VWA5B1: variants seen among roughly 807,000 people sequenced by gnomAD.
The protein encoded by VWA5B1 is von Willebrand factor A domain containing 5B1.
Under a neutral mutation model 118.2 loss-of-function variants are expected in VWA5B1, and 115 were observed. That is an observed-to-expected ratio of 0.97 (90% CI 0.84 to 1.14). The LOEUF (loss-of-function observed/expected upper bound fraction) is 1.14, where lower values mean the gene tolerates loss of function less well. Ranked by LOEUF, VWA5B1 falls within the 50% of genes most tolerant of loss-of-function variation. The pLI, the probability that VWA5B1 is intolerant of heterozygous loss-of-function variation, is 0.00. For synonymous variants in VWA5B1, 682 were observed against 658.4 expected, an observed-to-expected ratio of 1.04 and a Z score of -0.55; for missense variants, 1,596 against 1,603.8, an observed-to-expected ratio of 1.00 and a Z score of 0.08.
In VWA5B1 at chr1:20,350,239, G is replaced by C. The variant is rs1557451318; in HGVS notation, c.2953+9G>C. Reference sequence around the variant, plus strand: ...GCACGGTGCTTCTGAAGGTGAGTGGGCAGGTGGCGCTGCCTCTTCATCAAG... The same window carrying C: ...GCACGGTGCTTCTGAAGGTGAGTGGCCAGGTGGCGCTGCCTCTTCATCAAG... On this transcript the variant is annotated intron_variant, in intron 19 of 21. Coordinates refer to ENST00000289815, the MANE Select transcript of VWA5B1 (RefSeq NM_001039500.3). The C allele has an allele frequency of 6.4e-7, 1 of 1,550,842 alleles. No individual in the cohort carries two copies. The highest frequency in any genetic ancestry group is 1.2e-5 in the South Asian group (1 of 84,062).
rs1557829236 is a variant in VWA5B1, at chr1:20,303,622, G to A, written c.-26-6954G>A. On this transcript the variant is annotated intron_variant, in intron 1 of 21. Coordinates refer to ENST00000289815, the MANE Select transcript of VWA5B1 (RefSeq NM_001039500.3). Reference sequence around the variant, plus strand: ...AGTGACTGGGCCAATTACTATGGAAGTGGCCATCCCAGGGACACTAACCTC... The same window carrying A: ...AGTGACTGGGCCAATTACTATGGAAATGGCCATCCCAGGGACACTAACCTC... 2.0e-5 allele frequency among the ~76,000 whole-genome samples: 3 copies of A among 152,306 alleles called. No individual in the cohort carries two copies. The East Asian group carries it at 5.8e-4, about 29-fold the overall frequency.
chr1:20,299,256 C>A (rs1178211770), intron 1 of VWA5B1, among the ~76,000 whole-genome samples: 1 of 152,142 alleles, frequency 6.6e-6, no homozygotes, highest in African/African-American at 2.4e-5. Context: ...TCCCTCTTAA[C>A]CTTCAGCTGG....
chr1:20,353,071 C>A (rs2090161124), intron 21 of VWA5B1, among the ~76,000 whole-genome samples: 1 of 152,150 alleles, frequency 6.6e-6, no homozygotes, highest in Non-Finnish European at 1.5e-5. Context: ...CAGACCCAAG[C>A]ATGACTTCTT....
rs942309618 is a variant in VWA5B1 at position 20,343,210 on chromosome 1, A to C, written c.2443A>C (p.Lys815Gln). The C allele has an allele frequency of 3.9e-6, 6 of 1,549,412 alleles. No homozygotes were observed. In the Admixed American group the frequency reaches 7.8e-5, roughly 20 times the overall value. Residue 815 changes from lysine (K) to glutamine (Q), a missense_variant, in exon 16 of 22, where the codon AAA becomes CAA. Coordinates refer to ENST00000289815, the MANE Select transcript of VWA5B1 (RefSeq NM_001039500.3). Reference protein sequence around the residue: ...PAPVLGKALVKGLHDSQRLQW... With the variant: ...PAPVLGKALVQGLHDSQRLQW... ...CCCGGTGCTGGGCAAGGCCCTGGTCAAAGGCCTGCACGACAGCCAACGCCT... is the reference window on the plus strand; with the variant it reads ...CCCGGTGCTGGGCAAGGCCCTGGTCCAAGGCCTGCACGACAGCCAACGCCT...
intron 14 of VWA5B1, chr1:20,339,323 C>T (rs1570191995): frequency 6.6e-6 from 1 of 152,182 alleles, no homozygotes; most frequent in African/African-American, 2.4e-5. Context: ...AGGCAGATCG[C>T]GTGAGCCCAG....
In VWA5B1 at chr1:20,345,613, G is replaced by T. The variant is rs868341067; in HGVS notation, c.2764+20G>T. On this transcript the variant is annotated intron_variant, in intron 17 of 21. Coordinates refer to ENST00000289815, the MANE Select transcript of VWA5B1 (RefSeq NM_001039500.3). The stretch of plus-strand genomic sequence containing the variant: ...ACTCTGGTAAGGCAGGCGAGCGGCC[G>T]GGGGCACTCCTGGGGGCCAAGCAGC... 7 of 1,526,530 alleles carry T rather than the reference G, an allele frequency of 4.6e-6. No individual in the cohort carries two copies. Among genetic ancestry groups the T allele is most frequent in the Non-Finnish European group, 6.2e-6 (7 of 1,134,288 alleles). The allele number at this position is 1,526,530 out of a possible 1,614,324, so 94.6% of individuals were successfully genotyped here.
intron 1 of VWA5B1, among the ~76,000 whole-genome samples, chr1:20,295,655 G>A (rs2088392856): frequency 6.6e-6 from 1 of 152,170 alleles, no homozygotes; most frequent in Non-Finnish European, 1.5e-5. Context: ...TTCCCTGGGT[G>A]CCACTGTGGA....
In VWA5B1 at chr1:20,354,910, C is replaced by T. The variant is rs1267540026; in HGVS notation, c.*647C>T. ...CCTTTTGTTTTGGCTAGGAAGCTTC[C>T]TTAATACATACTAGTATTGCCTTGC... On this transcript the variant is annotated 3_prime_UTR_variant, in exon 22 of 22. Transcript: ENST00000289815. 2 of 152,404 alleles carry T rather than the reference C, an allele frequency of 1.3e-5. No homozygotes were observed. Among genetic ancestry groups the T allele is most frequent in the Non-Finnish European group, 2.9e-5 (2 of 68,264 alleles). The allele number at this position is 152,404 out of a possible 1,614,324, so 9.4% of individuals were successfully genotyped here.
Position 20,342,438 on chromosome 1 carries a change from C to T in VWA5B1, c.2140C>T (p.Leu714=). The T allele has an allele frequency of 6.4e-7, 1 of 1,550,926 alleles. No homozygotes were observed. The highest frequency in any genetic ancestry group is 2.4e-5 in the East Asian group (1 of 40,838). ...TCTCCTCTTCCATCCCTAGCCCTTG[C>T]TGAACAGTGGTCAGGACCTGAACCA... ...QRWQIDLQPL[L]NSGQDLNQGP... is the part of the protein sequence containing the mutation. The change falls in exon 15 of 22, where the codon CTG becomes TTG. Residue 714 remains leucine (L), a synonymous_variant. Coordinates refer to ENST00000289815, the MANE Select transcript of VWA5B1 (RefSeq NM_001039500.3).
At chr1:20,293,506 G>A (rs1040317721) in intron 1 of VWA5B1, among the ~76,000 whole-genome samples, 1 of 152,160 alleles carries the variant, frequency 6.6e-6, no homozygotes, top group South Asian at 2.1e-4. Flanking sequence ...TCAGTACCCC[G>A]ATGGTTCCCT....
intron 1 of VWA5B1, among the ~76,000 whole-genome samples, chr1:20,292,577 G>C (rs1054094389): frequency 1.1e-4 from 16 of 152,234 alleles, no homozygotes; most frequent in African/African-American, 3.9e-4. Context: ...GTGTTTGTGG[G>C]TGCATGTGGG....
chr1:20,336,706 A>T (rs2089727860), intron 13 of VWA5B1, among the ~76,000 whole-genome samples: 1 of 152,014 alleles, frequency 6.6e-6, no homozygotes, highest in South Asian at 2.1e-4. Flanking sequence ...GATCTATCTG[A>T]CTCCAAAGCC....
chr1:20,316,545 G>A (rs549638180), intron 4 of VWA5B1, among the ~76,000 whole-genome samples: 2 of 152,184 alleles, frequency 1.3e-5, no homozygotes, highest in Non-Finnish European at 2.9e-5. Flanking sequence ...ATTTTACAAG[G>A]ATGTGTGCAT....
At chr1:20,342,661 G>T in intron 15 of VWA5B1, 52 bp downstream of exon 15, 1 of 1,439,048 alleles carries the variant, frequency 6.9e-7, no homozygotes, top group East Asian at 2.6e-5. Flanking sequence ...GGAATCACTG[G>T]CTGTTGTTCA....
intron 1 of VWA5B1, among the ~76,000 whole-genome samples, chr1:20,294,848 C>A (rs934703558): frequency 6.6e-6 from 1 of 152,228 alleles, no homozygotes; most frequent in East Asian, 1.9e-4. Context: ...CTCAGCCTCC[C>A]AAAATGCTGG....
chr1:20,332,666 C>A, intron 11 of VWA5B1, 100 bp from the exon 12 acceptor site: 1 of 1,331,636 alleles, frequency 7.5e-7, no homozygotes, highest in Non-Finnish European at 1.0e-6. Flanking sequence ...ACTGTCCCCT[C>A]TTCCCTGCTC....
intron 7 of VWA5B1, among the ~76,000 whole-genome samples, chr1:20,320,582 TG>T (rs1297071182): frequency 1.3e-5 from 2 of 152,246 alleles, no homozygotes; most frequent in Non-Finnish European, 2.9e-5. Flanking sequence ...CTGGCTGCCC[TG>T]CCTGCCAAGC....
rs551213838 is a variant in VWA5B1 at position 20,358,139 on chromosome 1, C to A, written c.*3876C>A. On this transcript the variant is annotated 3_prime_UTR_variant, in exon 22 of 22. Transcript: ENST00000289815. The stretch of plus-strand genomic sequence containing the variant: ...CCCCAGCCAGTCCCTTCTCTGCGGG[C>A]AAAATGAATGGCATCCCCTAGCCTT... 6.6e-6 allele frequency among the ~76,000 whole-genome samples: 1 copy of A among 152,292 alleles called. No homozygotes were observed. Among genetic ancestry groups the A allele is most frequent in the African/African-American group, 2.4e-5 (1 of 41,558 alleles).
rs751661157 is a variant in VWA5B1 at position 20,357,127 on chromosome 1, G to T, written c.*2864G>T. Among the ~76,000 whole-genome samples the T allele has an allele frequency of 2.0e-5, 3 of 152,134 alleles. No homozygotes were observed. Among genetic ancestry groups the T allele is most frequent in the Non-Finnish European group, 4.4e-5 (3 of 68,034 alleles). ...GTCTGAAGAAAGGGCTAATGCCACC[G>T]TAAGACAAAGCCCAGCCTCCAAGCT... On this transcript the variant is annotated 3_prime_UTR_variant, in exon 22 of 22. Transcript: ENST00000289815.
Sources: gnomAD v4.1 joint callset for allele counts (sites outside exome capture counted in the v4.1 genomes callset) on GRCh38, gnomAD v4.1.1 for gene constraint, MANE v1.5 for transcripts, NCBI Gene and HGNC (gene_info 2026-07-23, HGNC 2026-07-21) for gene names.